The following FSD2 variants were observed in gnomAD, a reference collection of about 807,000 sequenced individuals.
The protein encoded by FSD2 is fibronectin type III and SPRY domain containing 2.
Under a neutral mutation model 80.4 loss-of-function variants are expected in FSD2, and 71 were observed. The observed-to-expected ratio is 0.88, with a 90% CI of 0.73 to 1.08. The LOEUF is 1.08. Among genes scored for constraint, FSD2 ranks in the 50% least tolerant of loss-of-function variants. The pLI is 0.00. For synonymous variants in FSD2, 361 were observed against 329.5 expected (o/e 1.10, Z -1.03); for missense variants, 923 against 913.8 (o/e 1.01, Z -0.13).
intron 1 of FSD2, among the ~76,000 whole-genome samples, chr15:82,791,732 C>A (rs569041106): frequency 6.6e-6 from 1 of 152,158 alleles, no homozygotes; most frequent in Admixed American, 6.5e-5. Context: ...GCTATCACCA[C>A]CAGCATTCCC....
At chr15:82,787,512 A>G (rs1004389915) in intron 1 of FSD2, 44 bp from the exon 2 acceptor site, 3 of 880,794 alleles carry the variant, frequency 3.4e-6, no homozygotes, top group Non-Finnish European at 5.2e-6. Flanking sequence ...GGAGAAGGGC[A>G]TTGCAGTAGA....
intron 5 of FSD2, 37 bp downstream of exon 5, chr15:82,780,208 G>A (rs1413334537): frequency 2.1e-6 from 3 of 1,444,666 alleles, no homozygotes; most frequent in Non-Finnish European, 2.8e-6. Flanking sequence ...GTTGAAAAAA[G>A]TAAAAAAAGA....
Position 82,756,389 on chromosome 15 carries a change from G to A in FSD2, c.*2959C>T, listed in dbSNP as rs1567293103. ...GATTTTAACAGATTTTGGAGGATGAGAAGTATTAAGAAGAAGGCCCCACTG... is the reference window on the plus strand; with the variant it reads ...GATTTTAACAGATTTTGGAGGATGAAAAGTATTAAGAAGAAGGCCCCACTG... On this transcript the variant is annotated 3_prime_UTR_variant, in exon 13 of 13. Coordinates refer to ENST00000334574, the MANE Select transcript of FSD2 (RefSeq NM_001007122.4). 1 of 151,976 alleles carries A rather than the reference G, an allele frequency of 6.6e-6. No individual in the cohort carries two copies. The highest frequency in any genetic ancestry group is 1.4e-5 in the Non-Finnish European group (1 of 70,078). The allele number at this position is 151,976 out of a possible 1,614,324, so 9.4% of individuals were successfully genotyped here.
chr15:82,778,659 T>C, intron 6 of FSD2, 107 bp downstream of exon 6: 1 of 1,289,694 alleles, frequency 7.8e-7, no homozygotes, highest in Non-Finnish European at 1.1e-6. Flanking sequence ...TTGTACACTT[T>C]AAAATTTGTT....
chr15:82,766,452 G>A (rs1035362844), intron 9 of FSD2, among the ~76,000 whole-genome samples: 6 of 152,054 alleles, frequency 3.9e-5, no homozygotes, highest in Admixed American at 6.6e-5. Flanking sequence ...ATAGAAGGCC[G>A]TCAATTCAGC....
At position 82,756,804 on chromosome 15, in the gene FSD2, C is replaced by T. The variant is rs961908587; in HGVS notation, c.*2544G>A. The T allele has an allele frequency of 6.6e-6, 1 of 152,176 alleles. No individual in the cohort carries two copies. The highest frequency in any genetic ancestry group is 2.4e-5 in the African/African-American group (1 of 41,442). The allele number at this position is 152,176 out of a possible 1,614,324, so 9.4% of individuals were successfully genotyped here. A position where few individuals can be genotyped will look rare whatever the true frequency, so the allele number is the denominator to read the frequency against. ...GATACAGGTAAAGCTAAGAAAAGAA[C>T]AGATTTTGATAACTTTTGTTTTAAC... On this transcript the variant is annotated 3_prime_UTR_variant, in exon 13 of 13. Transcript: ENST00000334574.
intron 5 of FSD2, 118 bp downstream of exon 5, chr15:82,780,127 T>C: frequency 1.4e-6 from 1 of 690,328 alleles, no homozygotes; most frequent in Non-Finnish European, 2.5e-6. Context: ...GCTAATTTAA[T>C]CAGGATTGAC....
chr15:82,791,062 G>T (rs1193713770), intron 1 of FSD2, among the ~76,000 whole-genome samples: 1 of 146,710 alleles, frequency 6.8e-6, no homozygotes, highest in Non-Finnish European at 1.5e-5. Context: ...GCAGTGGCGC[G>T]ATCTTAGCTC....
At position 82,758,793 on chromosome 15, in the gene FSD2, G is replaced by A. The variant is rs1001792151; in HGVS notation, c.*555C>T. 4.5e-5 allele frequency: 7 copies of A among 154,508 alleles called. No individual in the cohort carries two copies. Among genetic ancestry groups the A allele is most frequent in the Admixed American group, 4.5e-4 (7 of 15,690 alleles). 9.6% of individuals were successfully genotyped at this position (154,508 alleles called of 1,614,324 possible). A position where few individuals can be genotyped will look rare whatever the true frequency, so the allele number is the denominator to read the frequency against. ...TTAGAGAGTGGTGCATACTGTGTAG[G>A]AGTGGAACAGGGAATACCCTGTATG... On this transcript the variant is annotated 3_prime_UTR_variant, in exon 13 of 13. Coordinates refer to ENST00000334574, the MANE Select transcript of FSD2 (RefSeq NM_001007122.4).
Position 82,772,070 on chromosome 15 carries a change from C to T in FSD2, c.1267+3G>A, listed in dbSNP as rs749533164. 6.4e-7 allele frequency: 1 copy of T among 1,555,626 alleles called. No homozygotes were observed. The highest frequency in any genetic ancestry group is 8.6e-7 in the Non-Finnish European group (1 of 1,157,156). Reference sequence around the variant, plus strand: ...CACGGGCATGTTCCTGGCAGAGCCTCACCTGCTTGGTCCGTCCCAGGTGAG... The same window carrying T: ...CACGGGCATGTTCCTGGCAGAGCCTTACCTGCTTGGTCCGTCCCAGGTGAG... On this transcript the variant is annotated splice_donor_region_variant and intron_variant, in intron 7 of 12. Transcript: ENST00000334574.
intron 8 of FSD2, 134 bp from the exon 9 acceptor site, chr15:82,769,164 A>G: frequency 1.3e-6 from 1 of 754,988 alleles, no homozygotes; most frequent in Middle Eastern, 3.1e-4. Flanking sequence ...AAAGCAAACC[A>G]GGGAATCCCT....
intron 1 of FSD2, among the ~76,000 whole-genome samples, chr15:82,798,873 G>GTTTTTTTTTTTTTTTTT (rs149986626): frequency 9.0e-6 from 1 of 111,472 alleles, no homozygotes; most frequent in Non-Finnish European, 1.7e-5. Context: ...TATCTCCACT[G>GTTTTTTTTTTTTTTTTT]TTTTGTTTTT....
intron 1 of FSD2, among the ~76,000 whole-genome samples, chr15:82,803,463 T>C (rs1308559239): frequency 1.3e-5 from 2 of 152,052 alleles, no homozygotes; most frequent in Non-Finnish European, 2.9e-5. Context: ...CCACCTTCCC[T>C]AGCGGTAACC....
intron 3 of FSD2, among the ~76,000 whole-genome samples, chr15:82,783,960 A>G (rs2049936113): frequency 6.6e-6 from 1 of 152,184 alleles, no homozygotes; most frequent in Non-Finnish European, 1.5e-5. Context: ...TTAATAGAGT[A>G]TATATTGCTT....
At chr15:82,764,834 C>T (rs1363241845) in intron 11 of FSD2, among the ~76,000 whole-genome samples, 1 of 152,014 alleles carries the variant, frequency 6.6e-6, no homozygotes. Context: ...ACGCCAAGAA[C>T]TTGGACACCC....
intron 3 of FSD2, among the ~76,000 whole-genome samples, chr15:82,785,831 T>C (rs894260132): frequency 1.3e-5 from 2 of 152,126 alleles, no homozygotes; most frequent in African/African-American, 4.8e-5. Context: ...GGAACTCCAC[T>C]GTTTCTGGTT....
intron 12 of FSD2, 91 bp from the exon 13 acceptor site, chr15:82,759,691 A>G (rs575108637): frequency 1.4e-5 from 16 of 1,159,114 alleles, no homozygotes; most frequent in South Asian, 1.7e-5. Flanking sequence ...TCATAGTCCT[A>G]TGATTTTGCT....
Position 82,769,050 on chromosome 15 carries a change from A to C in FSD2, c.1403-20T>G. 6.5e-7 allele frequency: 1 copy of C among 1,547,972 alleles called. No homozygotes were observed. On this transcript the variant is annotated intron_variant, in intron 8 of 12. Coordinates refer to ENST00000334574, the MANE Select transcript of FSD2 (RefSeq NM_001007122.4). ...AAGGTGCTAAATGTGGGAGAAAGGG[A>C]GAGATGAACAACTGTTGTGTTCATT...
rs561693857 is a variant in FSD2 at position 82,770,571 on chromosome 15, C to T, written c.1268-687G>A. On this transcript the variant is annotated intron_variant, in intron 7 of 12. Coordinates refer to ENST00000334574, the MANE Select transcript of FSD2 (RefSeq NM_001007122.4). ...CTGTAGTCCCAGCTACTCGGGAGGC[C>T]GAGGCAGGAGAATCACTTGAACCCG... Among the ~76,000 whole-genome samples the T allele has an allele frequency of 1.1e-4, 17 of 151,880 alleles. No individual in the cohort carries two copies. The East Asian group carries it at 2.3e-3, about 21-fold the overall frequency.
Sources: allele counts gnomAD v4.1 joint callset (sites outside exome capture counted in the v4.1 genomes callset), GRCh38; gene constraint gnomAD v4.1.1; transcripts MANE v1.5; gene names NCBI Gene and HGNC (gene_info 2026-07-23, HGNC 2026-07-21).